Variants in COL10A1 observed in about 807,000 individuals in gnomAD.
COL10A1 encodes collagen alpha-1(X) chain.
Under a neutral mutation model 18.2 loss-of-function variants are expected in COL10A1, and 10 were observed. That is an observed-to-expected ratio of 0.55 (90% CI 0.34 to 0.93). The LOEUF is 0.93. COL10A1 is among the 40% of genes least tolerant of loss of function. The pLI, the probability that COL10A1 is intolerant of heterozygous loss-of-function variation, is 0.02. For synonymous variants in COL10A1, 330 were observed against 316.6 expected (o/e 1.04, Z -0.45); for missense variants, 897 against 853.5 (o/e 1.05, Z -0.64).
chr6:116,151,897 T>C (rs1447572126), intron 1 of COL10A1, among the ~76,000 whole-genome samples: 1 of 152,232 alleles, frequency 6.6e-6, no homozygotes, highest in Non-Finnish European at 1.5e-5. Context: ...TCTGAAACAC[T>C]GATGCATTTA....
rs1441733997 is a variant in COL10A1 at position 116,120,645 on chromosome 6, G to C, written c.1471C>G (p.Pro491Ala). The change falls in exon 3 of 3, where the codon CCA becomes GCA. Residue 491 changes from proline to alanine, a missense_variant. Physicochemically the swap from Pro to Ala is conservative, Grantham distance 27. Transcript: ENST00000651968. ...CCTCTTGGACCTGGAGGCCCTGGTGGCCCGGTGGGTCCATTGAGGCCCTTA... is the reference window on the plus strand; with the variant it reads ...CCTCTTGGACCTGGAGGCCCTGGTGCCCCGGTGGGTCCATTGAGGCCCTTA... The part of the protein sequence containing the change: ...ATKGLNGPTG[P>A]PGPPGPRGHS... 1 of 1,548,704 alleles carries C rather than the reference G, an allele frequency of 6.5e-7. No homozygotes were observed.
chr6:116,154,805 T>G (rs1382420847), intron 1 of COL10A1, among the ~76,000 whole-genome samples: 1 of 152,238 alleles, frequency 6.6e-6, no homozygotes, highest in African/African-American at 2.4e-5. Flanking sequence ...GATTAATAAC[T>G]CTTAGCAGAG....
the COL10A1 span, among the ~76,000 whole-genome samples, chr6:116,183,129 G>A: frequency 6.6e-6 from 1 of 152,050 alleles, no homozygotes; most frequent in Non-Finnish European, 1.5e-5. Flanking sequence ...GTTGAATAGG[G>A]TATCCTTTCT....
the COL10A1 span, among the ~76,000 whole-genome samples, chr6:116,193,300 T>C: frequency 6.6e-6 from 1 of 152,092 alleles, no homozygotes; most frequent in Non-Finnish European, 1.5e-5. Context: ...AGGAGTGCTG[T>C]GATAACAAAA....
upstream of COL10A1, among the ~76,000 whole-genome samples, chr6:116,126,848 G>A (rs1779329192): frequency 6.6e-6 from 1 of 151,918 alleles, no homozygotes; most frequent in Non-Finnish European, 1.5e-5. Flanking sequence ...TTTGCTTTCA[G>A]CTTAAAAAAA....
intron 1 of COL10A1, among the ~76,000 whole-genome samples, chr6:116,151,214 T>C (rs1384128458): frequency 6.6e-6 from 1 of 152,150 alleles, no homozygotes; most frequent in Non-Finnish European, 1.5e-5. Flanking sequence ...ACTTATAAAA[T>C]CCCATCTTCC....
At chr6:116,183,376 T>C in the COL10A1 span, among the ~76,000 whole-genome samples, 31 of 152,240 alleles carry the variant, frequency 2.0e-4, no homozygotes, top group Middle Eastern at 3.4e-3. Flanking sequence ...TGGTGCCATA[T>C]GAATTTTAGG....
chr6:116,151,850 T>G (rs1272246855), intron 1 of COL10A1, among the ~76,000 whole-genome samples: 2 of 152,228 alleles, frequency 1.3e-5, no homozygotes, highest in Admixed American at 1.3e-4. Flanking sequence ...GAGATATTAA[T>G]AAACTGATAG....
At chr6:116,154,637 G>T (rs1385949900) in intron 1 of COL10A1, among the ~76,000 whole-genome samples, 1 of 149,410 alleles carries the variant, frequency 6.7e-6, no homozygotes, top group Non-Finnish European at 1.5e-5. Context: ...TGTTTATTTG[G>T]TAAACTTACA....
the COL10A1 span, among the ~76,000 whole-genome samples, chr6:116,193,593 T>C: frequency 1.3e-5 from 2 of 152,068 alleles, no homozygotes; most frequent in Non-Finnish European, 2.9e-5. Context: ...GTCACTAATA[T>C]ACACAGAATA....
intron 1 of COL10A1, among the ~76,000 whole-genome samples, chr6:116,134,479 T>G (rs1189662361): frequency 2.6e-5 from 4 of 152,212 alleles, no homozygotes; most frequent in African/African-American, 9.7e-5. Flanking sequence ...ATACAAGTAG[T>G]GCCTGTTATA....
the COL10A1 span, among the ~76,000 whole-genome samples, chr6:116,203,189 T>G: frequency 6.6e-6 from 1 of 152,060 alleles, no homozygotes; most frequent in African/African-American, 2.4e-5. Context: ...TTGTATTAGA[T>G]TCTCATTTAA....
the COL10A1 span, among the ~76,000 whole-genome samples, chr6:116,169,202 T>C: frequency 6.6e-6 from 1 of 152,224 alleles, no homozygotes; most frequent in African/African-American, 2.4e-5. Context: ...CTTGACCTCT[T>C]AAATCTTCAT....
upstream of COL10A1, among the ~76,000 whole-genome samples, chr6:116,127,492 A>G (rs1779350630): frequency 6.6e-6 from 1 of 152,090 alleles, no homozygotes; most frequent in Non-Finnish European, 1.5e-5. Flanking sequence ...AGGAAAGTTT[A>G]TAATTCATCA....
At chr6:116,214,843 C>T in the COL10A1 span, among the ~76,000 whole-genome samples, 1 of 151,818 alleles carries the variant, frequency 6.6e-6, no homozygotes, top group African/African-American at 2.4e-5. Context: ...AGTTATCTGG[C>T]TGGACATCAC....
Position 116,141,397 on chromosome 6 carries a change from T to G in COL10A1, c.-15-15890A>C, listed in dbSNP as rs73772273. ...TCTCTCTAGGGCATCTTATGTGTTA[T>G]CTGCAGTTAACTTCTATCTAAGAAA... On this transcript the variant is annotated intron_variant, in intron 1 of 1. Transcript: ENST00000418500. Among the ~76,000 whole-genome samples the G allele has an allele frequency of 2.3e-3, 346 of 152,254 alleles. 2 individuals carry two copies. The highest frequency in any genetic ancestry group is 8.2e-3 in the African/African-American group (340 of 41,558).
At chr6:116,178,102 C>CGTGTGTGTGTGTGT in the COL10A1 span, among the ~76,000 whole-genome samples, 2 of 94,472 alleles carry the variant, frequency 2.1e-5, no homozygotes, top group Non-Finnish European at 4.1e-5. Context: ...CGCGCGCGCG[C>CGTGTGTGTGTGTGT]GTGCGTGCGT....
At chr6:116,211,806 A>G in the COL10A1 span, among the ~76,000 whole-genome samples, 1 of 152,076 alleles carries the variant, frequency 6.6e-6, no homozygotes, top group Admixed American at 6.6e-5. Flanking sequence ...GTGCAAATCT[A>G]AGAGAATCTA....
At chr6:116,190,262 ATG>A in the COL10A1 span, among the ~76,000 whole-genome samples, 5 of 152,012 alleles carry the variant, frequency 3.3e-5, no homozygotes, top group African/African-American at 1.2e-4. Flanking sequence ...TAAATTATCT[ATG>A]TATTTTTTCT....
Sources: gnomAD v4.1 joint callset for allele counts (sites outside exome capture counted in the v4.1 genomes callset) on GRCh38, gnomAD v4.1.1 for gene constraint, MANE v1.5 for transcripts, NCBI Gene and HGNC (gene_info 2026-07-23, HGNC 2026-07-21) for gene names.